GPC5: variants seen among roughly 807,000 people sequenced by gnomAD.
GPC5 encodes the protein glypican-5.
Under a neutral mutation model 53.9 loss-of-function variants are expected in GPC5, and 47 were observed. That is an observed-to-expected ratio of 0.87 (90% confidence interval 0.69 to 1.11). GPC5 has a LOEUF of 1.11. GPC5 is among the 50% of genes most tolerant of loss of function. The pLI, the probability that GPC5 is intolerant of heterozygous loss-of-function variation, is 0.00. For synonymous variants in GPC5, 286 were observed against 263.3 expected (o/e 1.09, Z -0.84); for missense variants, 748 against 713.1 (o/e 1.05, Z -0.56).
chr13:91,709,977 C>A (rs7988059), intron 3 of GPC5, among the ~76,000 whole-genome samples: 11,264 of 152,236 alleles, frequency 0.074, 478 homozygotes, highest in East Asian at 0.24. Context: ...TGTCACATAT[C>A]AATCTCATTC....
chr13:91,986,801 C>A (rs1019590856), intron 6 of GPC5, among the ~76,000 whole-genome samples: 81 of 152,214 alleles, frequency 5.3e-4, no homozygotes, highest in Non-Finnish European at 8.2e-4. Flanking sequence ...TCAATTGAAA[C>A]ATGGACATAG....
chr13:92,430,133 GA>G (rs372186374), intron 7 of GPC5, among the ~76,000 whole-genome samples: 54 of 150,342 alleles, frequency 3.6e-4, no homozygotes, highest in African/African-American at 1.2e-3. Flanking sequence ...AAAATTTAAA[GA>G]AAAAAAAAGT....
At chr13:92,659,851 A>T (rs1192175537) in intron 7 of GPC5, among the ~76,000 whole-genome samples, 1 of 152,200 alleles carries the variant, frequency 6.6e-6, no homozygotes, top group East Asian at 1.9e-4. Context: ...AAGAAAAGGA[A>T]GGAAGTCTAT....
intron 2 of GPC5, among the ~76,000 whole-genome samples, chr13:91,613,306 C>T (rs1359956823): frequency 6.6e-6 from 1 of 152,134 alleles, no homozygotes; most frequent in Non-Finnish European, 1.5e-5. Flanking sequence ...CACATGGCAG[C>T]AGACAAGAGA....
intron 7 of GPC5, among the ~76,000 whole-genome samples, chr13:92,707,645 A>T (rs987845816): frequency 6.6e-6 from 1 of 152,058 alleles, no homozygotes; most frequent in African/African-American, 2.4e-5. Flanking sequence ...AAAAAAATGC[A>T]TGTGTACTAA....
intron 2 of GPC5, among the ~76,000 whole-genome samples, chr13:91,641,045 C>T (rs571312637): frequency 2.6e-5 from 4 of 152,156 alleles, no homozygotes; most frequent in African/African-American, 7.2e-5. Flanking sequence ...CCAAACACTG[C>T]GGCCGGGTGC....
At chr13:92,030,303 T>G (rs937176580) in intron 6 of GPC5, among the ~76,000 whole-genome samples, 2 of 152,252 alleles carry the variant, frequency 1.3e-5, no homozygotes, top group African/African-American at 4.8e-5. Flanking sequence ...GTCTTACCTG[T>G]TATGTTCTCC....
At chr13:92,501,076 C>A (rs1880166623) in intron 7 of GPC5, among the ~76,000 whole-genome samples, 1 of 152,014 alleles carries the variant, frequency 6.6e-6, no homozygotes, top group African/African-American at 2.4e-5. Context: ...AAAATGAAAC[C>A]TTACCTCACA....
intron 2 of GPC5, among the ~76,000 whole-genome samples, chr13:91,635,515 C>A (rs1297668355): frequency 6.6e-6 from 1 of 152,026 alleles, no homozygotes; most frequent in African/African-American, 2.4e-5. Flanking sequence ...ATGTTTTCAT[C>A]ATCAGCATTT....
intron 5 of GPC5, among the ~76,000 whole-genome samples, chr13:91,891,512 G>T (rs1394015747): frequency 1.3e-5 from 2 of 151,924 alleles, no homozygotes; most frequent in East Asian, 1.9e-4. Context: ...ATAACCATAC[G>T]GCCACAAAAA....
At chr13:91,670,562 T>C (rs1372074722) in intron 2 of GPC5, among the ~76,000 whole-genome samples, 1 of 152,160 alleles carries the variant, frequency 6.6e-6, no homozygotes, top group East Asian at 1.9e-4. Context: ...TTCTTTCTAA[T>C]AAAGAAAATC....
At chr13:92,275,189 T>C (rs771517543) in intron 7 of GPC5, among the ~76,000 whole-genome samples, 3 of 152,124 alleles carry the variant, frequency 2.0e-5, no homozygotes, top group Non-Finnish European at 4.4e-5. Flanking sequence ...ACAATTGAAA[T>C]AGATATTAAT....
chr13:91,526,995 A>T (rs1886117805), intron 2 of GPC5, among the ~76,000 whole-genome samples: 1 of 152,154 alleles, frequency 6.6e-6, no homozygotes, highest in Non-Finnish European at 1.5e-5. Flanking sequence ...CACCCTCAAC[A>T]TGTGGGAATT....
intron 2 of GPC5, among the ~76,000 whole-genome samples, chr13:91,611,959 C>T (rs114233249): frequency 7.6e-4 from 116 of 152,248 alleles, no homozygotes; most frequent in South Asian, 2.3e-3. Context: ...CCTCTTCTTC[C>T]GCGTTAATGG....
At chr13:92,572,229 G>A (rs982064797) in intron 7 of GPC5, among the ~76,000 whole-genome samples, 2 of 152,028 alleles carry the variant, frequency 1.3e-5, no homozygotes, top group African/African-American at 2.4e-5. Flanking sequence ...TATCTGGTCC[G>A]AGTTGACTAA....
Position 92,526,603 on chromosome 13 carries a change from T to C in GPC5, c.1562-339679T>C, listed in dbSNP as rs564155874. On this transcript the variant is annotated intron_variant, in intron 7 of 7. Transcript: ENST00000377067. The stretch of plus-strand genomic sequence containing the variant: ...ACATAGAAGGATTTTAAAGAAGAAA[T>C]GCAGATGACCTAATCAGACCTTTTA... 2.6e-5 allele frequency among the ~76,000 whole-genome samples: 4 copies of C among 152,000 alleles called. No homozygotes were observed. In the East Asian group the frequency reaches 7.7e-4, roughly 29 times the overall value.
intron 2 of GPC5, among the ~76,000 whole-genome samples, chr13:91,568,915 A>T (rs564171223): frequency 6.6e-6 from 1 of 151,802 alleles, no homozygotes; most frequent in African/African-American, 2.4e-5. Flanking sequence ...CACCCAACTA[A>T]TTTTATTGTA....
intron 7 of GPC5, among the ~76,000 whole-genome samples, chr13:92,676,182 A>C (rs117584328): frequency 1.3e-5 from 2 of 152,184 alleles, no homozygotes; most frequent in Non-Finnish European, 2.9e-5. Flanking sequence ...ATTATATAAC[A>C]GACATTGATG....
chr13:91,779,818 T>G (rs2037770451), intron 5 of GPC5, among the ~76,000 whole-genome samples: 1 of 152,076 alleles, frequency 6.6e-6, no homozygotes. Flanking sequence ...GACTCTGTCA[T>G]CTCCTATGAT....
Sources: gnomAD v4.1 joint callset for allele counts (sites outside exome capture counted in the v4.1 genomes callset) on GRCh38, gnomAD v4.1.1 for gene constraint, MANE v1.5 for transcripts, NCBI Gene and HGNC (gene_info 2026-07-23, HGNC 2026-07-21) for gene names.